MYO7B: variants seen among roughly 807,000 people sequenced by gnomAD.
The protein encoded by MYO7B is unconventional myosin-VIIb.
Under a neutral mutation model 259.7 loss-of-function variants are expected in MYO7B, and 212 were observed. The ratio of observed to expected loss-of-function variants is 0.82; its 90% CI spans 0.73 to 0.91. The LOEUF (loss-of-function observed/expected upper bound fraction) is 0.91. MYO7B is among the 40% of genes least tolerant of loss of function. The pLI is 0.00. For synonymous variants in MYO7B, 1,197 were observed against 1,166.4 expected (o/e 1.03, Z -0.54); for missense variants, 2,732 against 2,813.5 (o/e 0.97, Z 0.66).
intron 36 of MYO7B, 114 bp downstream of exon 36, chr2:127,631,022 C>A: frequency 7.2e-7 from 1 of 1,384,226 alleles, no homozygotes; most frequent in Non-Finnish European, 9.8e-7. Flanking sequence ...CTGAGAGCTG[C>A]AGAGAGGCCA....
intron 7 of MYO7B, among the ~76,000 whole-genome samples, chr2:127,575,455 G>A (rs966112997): frequency 2.0e-5 from 3 of 151,980 alleles, no homozygotes; most frequent in African/African-American, 7.3e-5. Flanking sequence ...TAAAATTACG[G>A]CATATCTATA....
chr2:127,616,843 A>G (rs1010129166), intron 26 of MYO7B, among the ~76,000 whole-genome samples: 1 of 152,092 alleles, frequency 6.6e-6, no homozygotes, highest in Non-Finnish European at 1.5e-5. Flanking sequence ...ATTTTGATGA[A>G]ATTTTGAGTG....
rs1693240349 is a variant in MYO7B, at chr2:127,546,710, G to A, written c.-24+10879G>A. 6.6e-6 allele frequency among the ~76,000 whole-genome samples: 1 copy of A among 152,094 alleles called. No individual in the cohort carries two copies. Among genetic ancestry groups the A allele is most frequent in the Non-Finnish European group, 1.5e-5 (1 of 68,022 alleles). On this transcript the variant is annotated intron_variant, in intron 1 of 47. Coordinates refer to ENST00000409816, the MANE Select transcript of MYO7B (RefSeq NM_001393586.1). This position sits in a 1 kb window ranked among gnomAD's most constrained non-coding sequence, Gnocchi z 4.2. ...ATTCCCAAGGGGCAGAAAATTTTAAGCACACCAGTGCTTCCTGTAAGGGGC... is the reference window on the plus strand; with the variant it reads ...ATTCCCAAGGGGCAGAAAATTTTAAACACACCAGTGCTTCCTGTAAGGGGC...
chr2:127,584,175 T>C lies in MYO7B; in HGVS notation c.1397T>C (p.Val466Ala), dbSNP rs368262229. The change falls in exon 13 of 48, where the codon GTG (valine) becomes GCG (alanine). Residue 466 changes from valine to alanine, a missense_variant. Val to Ala is a moderately conservative substitution (Grantham distance 64). Transcript: ENST00000409816. The surrounding 1 kb of genome is among the most constrained non-coding windows in gnomAD (Gnocchi z 5.8). ...AACGAGCACCTGCAGCAGTTCTTTG[T>C]GCAGCACGTGTTCACCATGGAGCAA... The part of the protein sequence containing the change: ...FANEHLQQFF[V>A]QHVFTMEQEE... 2.0e-5 allele frequency: 32 copies of C among 1,613,844 alleles called. 1 individual carries two copies. Among genetic ancestry groups the C allele is most frequent in the Non-Finnish European group, 2.6e-5 (31 of 1,179,898 alleles).
chr2:127,606,321 G>T (rs1280562825), intron 20 of MYO7B, among the ~76,000 whole-genome samples: 1 of 152,206 alleles, frequency 6.6e-6, no homozygotes, highest in Non-Finnish European at 1.5e-5. Flanking sequence ...ATTTGCTAAT[G>T]AGTATCTGCT....
In MYO7B at chr2:127,590,875, T is replaced by C. The variant is rs1679531520; in HGVS notation, c.1992+646T>C. ...AAAAATATTACATGAAATTAAATGC[T>C]TTTTGGAAAGAATAAAACTATGTGA... is the stretch of plus-strand genomic sequence containing the variant. On this transcript the variant is annotated intron_variant, in intron 16 of 47. Transcript: ENST00000409816. The surrounding 1 kb of genome is among the most constrained non-coding windows in gnomAD (Gnocchi z 4.6). Among the ~76,000 whole-genome samples, 1 of 152,236 alleles carries C rather than the reference T, an allele frequency of 6.6e-6. No individual in the cohort carries two copies. The highest frequency in any genetic ancestry group is 2.4e-5 in the African/African-American group (1 of 41,462).
chr2:127,588,299 G>T (rs904095400), intron 14 of MYO7B, 93 bp from the exon 15 acceptor site: 1 of 1,430,826 alleles, frequency 7.0e-7, no homozygotes, highest in Non-Finnish European at 9.5e-7. Flanking sequence ...GCTCCTCCAC[G>T]CATCCTGTAT....
At position 127,592,932 on chromosome 2, in the gene MYO7B, G is replaced by T; in HGVS notation, c.2131G>T (p.Ala711Ser). The change falls in exon 17 of 48, where the codon GCC (alanine) becomes TCC (serine). Residue 711 changes from alanine (A) to serine (S), a missense_variant. Transcript: ENST00000409816. The part of the protein sequence containing the change: ...SQRFGVLLPN[A>S]MRMQLQGKLR... The stretch of plus-strand genomic sequence containing the variant: ...GAGGTTCGGCGTGTTGCTGCCCAAC[G>T]CCATGCGGATGCAGGTCAGCGCCCC... The T allele has an allele frequency of 6.3e-7, 1 of 1,596,722 alleles. No individual in the cohort carries two copies. Among genetic ancestry groups the T allele is most frequent in the Admixed American group, 1.7e-5 (1 of 57,920 alleles).
rs1311630348 is a variant in MYO7B at position 127,637,653 on chromosome 2, T to C, written c.*236T>C. 3 of 435,228 alleles carry C rather than the reference T, an allele frequency of 6.9e-6. No homozygotes were observed. The highest frequency in any genetic ancestry group is 1.2e-5 in the Non-Finnish European group (3 of 246,400). The allele number at this position is 435,228 out of a possible 1,614,324, so 27.0% of individuals were successfully genotyped here. Reference sequence around the variant, plus strand: ...CTCGGACCCCCAGGCTATTGGTGGATGACTGACTGACAGGACACCTCCCAA... The same window carrying C: ...CTCGGACCCCCAGGCTATTGGTGGACGACTGACTGACAGGACACCTCCCAA... On this transcript the variant is annotated 3_prime_UTR_variant, in exon 48 of 48. Coordinates refer to ENST00000409816, the MANE Select transcript of MYO7B (RefSeq NM_001393586.1).
Position 127,637,598 on chromosome 2 carries a change from A to AAAAG in MYO7B, c.*183_*186dup. On this transcript the variant is annotated 3_prime_UTR_variant, in exon 48 of 48. Transcript: ENST00000409816. Reference sequence around the variant, plus strand: ...GTCCTGGGCGCTGCCCAGGGAGGCCAAAAGACGGGCCCAGAATGGGGTCGG... The same window carrying AAAAG: ...GTCCTGGGCGCTGCCCAGGGAGGCCAAAAGAAAGACGGGCCCAGAATGGGGTCGG... 3 of 483,578 alleles carry AAAAG rather than the reference A, an allele frequency of 6.2e-6. No individual in the cohort carries two copies. Among genetic ancestry groups the AAAAG allele is most frequent in the South Asian group, 4.7e-5 (1 of 21,402 alleles). The allele number at this position is 483,578 out of a possible 1,614,324, so 30.0% of individuals were successfully genotyped here. A position where few individuals can be genotyped will look rare whatever the true frequency, so the allele number is the denominator to read the frequency against.
At chr2:127,572,925 CAGTT>C (rs1330864897) in intron 6 of MYO7B, among the ~76,000 whole-genome samples, 3 of 143,762 alleles carry the variant, frequency 2.1e-5, no homozygotes, top group East Asian at 2.0e-4. Context: ...ATCAGCCTGT[CAGTT>C]AGTACCAAAA....
chr2:127,631,104 T>C, intron 36 of MYO7B, 102 bp from the exon 37 acceptor site: 1 of 1,430,896 alleles, frequency 7.0e-7, no homozygotes, highest in Admixed American at 2.6e-5. Flanking sequence ...CAGGGTGGGG[T>C]GCTCTGGCCC....
chr2:127,560,680 T>A (rs557192868), intron 2 of MYO7B, among the ~76,000 whole-genome samples: 1 of 152,172 alleles, frequency 6.6e-6, no homozygotes, highest in African/African-American at 2.4e-5. Context: ...AACCAGCCTG[T>A]GCATCCTTCC....
intron 5 of MYO7B, among the ~76,000 whole-genome samples, chr2:127,567,662 G>GATTCATTCATTC (rs111424295): frequency 5.7e-4 from 86 of 152,140 alleles, no homozygotes; most frequent in Non-Finnish European, 1.0e-3. Flanking sequence ...CCACCTGGGG[G>GATTCATTCATTC]ATTCATTCAT....
chr2:127,584,978 A>G lies in MYO7B; in HGVS notation c.1690+65A>G. ...ACCGGGTTCCAGGGAGACCGTGGAAAGCAGGCTCAGAGGATGAGGCTATTT... is the reference window on the plus strand; with the variant it reads ...ACCGGGTTCCAGGGAGACCGTGGAAGGCAGGCTCAGAGGATGAGGCTATTT... On this transcript the variant is annotated intron_variant, in intron 14 of 47. Coordinates refer to ENST00000409816, the MANE Select transcript of MYO7B (RefSeq NM_001393586.1). This position sits in a 1 kb window ranked among gnomAD's most constrained non-coding sequence, Gnocchi z 5.8. 6.3e-7 allele frequency: 1 copy of G among 1,588,328 alleles called. No homozygotes were observed. Among genetic ancestry groups the G allele is most frequent in the Non-Finnish European group, 8.6e-7 (1 of 1,163,664 alleles).
At position 127,607,537 on chromosome 2, in the gene MYO7B, T is replaced by G; in HGVS notation, c.2643+113T>G. ...AGCTCACCAGAAGCGCTTTGGAAAA[T>G]CCCCCCGCCCCCGCCACAAGCCAAG... is the stretch of plus-strand genomic sequence containing the variant. On this transcript the variant is annotated intron_variant, in intron 21 of 47. Coordinates refer to ENST00000409816, the MANE Select transcript of MYO7B (RefSeq NM_001393586.1). The surrounding 1 kb of genome is among the most constrained non-coding windows in gnomAD (Gnocchi z 4.4). 1 of 846,002 alleles carries G rather than the reference T, an allele frequency of 1.2e-6. No individual in the cohort carries two copies. The highest frequency in any genetic ancestry group is 1.8e-6 in the Non-Finnish European group (1 of 559,148). 52.4% of individuals were successfully genotyped at this position (846,002 alleles called of 1,614,324 possible).
chr2:127,540,287 C>T (rs979650298), intron 1 of MYO7B, among the ~76,000 whole-genome samples: 2 of 152,012 alleles, frequency 1.3e-5, no homozygotes, highest in Non-Finnish European at 2.9e-5. Context: ...TCTCAGCCTC[C>T]CGAGTAGCTG....
chr2:127,610,805 A>G (rs80107657), intron 24 of MYO7B, among the ~76,000 whole-genome samples: 14,387 of 152,314 alleles, frequency 0.094, 932 homozygotes, highest in Middle Eastern at 0.17. Flanking sequence ...CTGCAGCCCC[A>G]TCACATGGCC....
intron 15 of MYO7B, among the ~76,000 whole-genome samples, chr2:127,589,241 A>AT (rs1679444602): frequency 1.7e-5 from 1 of 60,436 alleles, no homozygotes; most frequent in Non-Finnish European, 3.1e-5. Context: ...ATGGACGGGC[A>AT]GGTGGCTGTG....
Sources: gnomAD v4.1 joint callset for allele counts (sites outside exome capture counted in the v4.1 genomes callset) on GRCh38, gnomAD v4.1.1 for gene constraint, Gnocchi (gnomAD v3.1) non-coding constraint, MANE v1.5 for transcripts, NCBI Gene and HGNC (gene_info 2026-07-23, HGNC 2026-07-21) for gene names.